FREM2: variants seen among roughly 807,000 people sequenced by gnomAD.
FREM2 encodes the protein FRAS1-related extracellular matrix protein 2.
FREM2 carries 119 observed loss-of-function variants against 219.9 expected under a neutral mutation model. That is an observed-to-expected ratio of 0.54 (90% confidence interval 0.47 to 0.63). FREM2 has a LOEUF of 0.63. FREM2 is among the 30% of genes least tolerant of loss of function. The pLI is 0.00. For missense variants in FREM2, 4,030 were observed against 3,993.6 expected, an observed-to-expected ratio of 1.01 and a Z score of -0.25; for synonymous variants, 1,562 against 1,522.8, an observed-to-expected ratio of 1.03 and a Z score of -0.60.
In FREM2 at chr13:38,690,323, A is replaced by G; in HGVS notation, c.2979A>G (p.Glu993=). Residue 993 remains glutamate (E), a synonymous_variant, in exon 1 of 24, where the codon GAA becomes GAG. Transcript: ENST00000280481. ...TGGAAGATCCACCTTTGTATGGGGAAATCTTGGTCAATGGCATTCCAGCAG... is the reference window on the plus strand; with the variant it reads ...TGGAAGATCCACCTTTGTATGGGGAGATCTTGGTCAATGGCATTCCAGCAG... The part of the protein sequence containing the change: ...FLLEDPPLYG[E]ILVNGIPAEQ... 1 of 1,614,194 alleles carries G rather than the reference A, an allele frequency of 6.2e-7. No individual in the cohort carries two copies. Among genetic ancestry groups the G allele is most frequent in the Non-Finnish European group, 8.5e-7 (1 of 1,180,014 alleles).
chr13:38,688,175 G>C lies in FREM2; in HGVS notation c.831G>C (p.Arg277Ser), dbSNP rs1241860409. The C allele has an allele frequency of 1.1e-5, 17 of 1,613,554 alleles. No individual in the cohort carries two copies. Among genetic ancestry groups the C allele is most frequent in the Non-Finnish European group, 1.3e-5 (15 of 1,179,870 alleles). Reference protein sequence around the residue: ...RHTAASRSPNRDWIPMVVELR... With the variant: ...RHTAASRSPNSDWIPMVVELR... The stretch of plus-strand genomic sequence containing the variant: ...CAGCCGCCAGTCGCTCACCAAACAG[G>C]GACTGGATACCCATGGTGGTGGAGC... The change falls in exon 1 of 24, where the codon AGG becomes AGC. Residue 277 changes from arginine (R) to serine (S), a missense_variant. By Grantham distance (110) the Arg-to-Ser change is moderately radical. Coordinates refer to ENST00000280481, the MANE Select transcript of FREM2 (RefSeq NM_207361.6).
Position 38,690,492 on chromosome 13 carries a change from A to C in FREM2, c.3148A>C (p.Ile1050Leu), listed in dbSNP as rs1474555236. 21 of 1,614,086 alleles carry C rather than the reference A, an allele frequency of 1.3e-5. No individual in the cohort carries two copies. The African/African-American group carries it at 2.3e-4, about 17-fold the overall frequency. Residue 1050 changes from isoleucine (I) to leucine (L), a missense_variant, in exon 1 of 24, where the codon ATC becomes CTC. This residue lies in a region of FREM2 where 3,102 missense variants were observed against 2,950.7 expected (regional missense o/e 1.05). Coordinates refer to ENST00000280481, the MANE Select transcript of FREM2 (RefSeq NM_207361.6). ...AGAATGGAGAATTGGTGGCAATACT[A>C]TCCAAGGAGTTACTATATGGGTGAC... The part of the protein sequence containing the change: ...SQEWRIGGNT[I>L]QGVTIWVTIL...
chr13:38,823,237 A>G (rs1158606260), intron 6 of FREM2, among the ~76,000 whole-genome samples: 2 of 151,968 alleles, frequency 1.3e-5, no homozygotes, highest in East Asian at 3.9e-4. Context: ...CACCTGATCC[A>G]AACGAACTTC....
intron 3 of FREM2, 91 bp downstream of exon 3, chr13:38,764,541 C>T: frequency 1.3e-6 from 1 of 780,592 alleles, no homozygotes; most frequent in Non-Finnish European, 2.0e-6. Flanking sequence ...GTTTAGTTCA[C>T]TTAGAGCTTA....
chr13:38,858,977 C>T (rs1313856831), intron 13 of FREM2, among the ~76,000 whole-genome samples: 4 of 124,738 alleles, frequency 3.2e-5, no homozygotes, highest in Non-Finnish European at 6.4e-5. Context: ...GTAAGATGAG[C>T]GACAGGAAGC....
chr13:38,878,206 A>T lies in FREM2; in HGVS notation c.8744A>T (p.Glu2915Val). ...GGTGACTCCTTTTACTGCAGCATTG[A>T]GAAGGTGTTTCTATGCACTGGAGCT... Reference protein sequence around the residue: ...NLGDSFYCSIEKVFLCTGADG... With the variant: ...NLGDSFYCSIVKVFLCTGADG... Residue 2915 changes from glutamate to valine, a missense_variant, in exon 22 of 24, where the codon GAG becomes GTG. Physicochemically the swap from Glu to Val is moderately radical, Grantham distance 121. Transcript: ENST00000280481. The T allele has an allele frequency of 6.2e-7, 1 of 1,613,742 alleles. No homozygotes were observed. Among genetic ancestry groups the T allele is most frequent in the Non-Finnish European group, 8.5e-7 (1 of 1,179,774 alleles).
intron 2 of FREM2, among the ~76,000 whole-genome samples, chr13:38,748,699 CA>C (rs754790615): frequency 7.0e-4 from 106 of 152,236 alleles, no homozygotes; most frequent in Non-Finnish European, 1.4e-3. Flanking sequence ...TAGCTTAATA[CA>C]GCTTATTTTT....
intron 6 of FREM2, among the ~76,000 whole-genome samples, chr13:38,791,525 C>G (rs1008366402): frequency 6.6e-6 from 1 of 152,136 alleles, no homozygotes; most frequent in Non-Finnish European, 1.5e-5. Context: ...GTTCCACATG[C>G]CCGGGAAGGC....
chr13:38,707,989 T>A (rs1265975809), intron 2 of FREM2, among the ~76,000 whole-genome samples: 1 of 152,216 alleles, frequency 6.6e-6, no homozygotes, highest in Non-Finnish European at 1.5e-5. Flanking sequence ...CCCTGGTTCC[T>A]GAATTTCTGT....
chr13:38,843,458 C>A (rs1230248868), intron 6 of FREM2, among the ~76,000 whole-genome samples: 1 of 149,436 alleles, frequency 6.7e-6, no homozygotes, highest in African/African-American at 2.5e-5. Flanking sequence ...AAAAAGTTTA[C>A]CAAAGAAAGA....
chr13:38,812,850 T>TC (rs1593422658), intron 6 of FREM2, among the ~76,000 whole-genome samples: 1 of 149,952 alleles, frequency 6.7e-6, no homozygotes, highest in East Asian at 2.0e-4. Flanking sequence ...ACCACTGCAC[T>TC]CCAGTCTGGG....
At chr13:38,821,097 T>G (rs1253485328) in intron 6 of FREM2, among the ~76,000 whole-genome samples, 1 of 152,170 alleles carries the variant, frequency 6.6e-6, no homozygotes, top group Non-Finnish European at 1.5e-5. Context: ...GGAGTCCTTA[T>G]GGTGTCCCTA....
At chr13:38,793,271 A>G (rs537502324) in intron 6 of FREM2, among the ~76,000 whole-genome samples, 2 of 152,342 alleles carry the variant, frequency 1.3e-5, no homozygotes, top group African/African-American at 2.4e-5. Context: ...CATAAAATAA[A>G]TGTGGTAAGT....
rs747271297 is a variant in FREM2, at chr13:38,848,541, C to T, written c.6250C>T (p.Leu2084=). 1.9e-6 allele frequency: 3 copies of T among 1,614,002 alleles called. No homozygotes were observed. Among genetic ancestry groups the T allele is most frequent in the Non-Finnish European group, 2.5e-6 (3 of 1,179,954 alleles). ...CATGCAGCCTGTTCGTGTTGTCATTCTGGATGACCTTGGACAACCAGCGCT... is the reference window on the plus strand; with the variant it reads ...CATGCAGCCTGTTCGTGTTGTCATTTTGGATGACCTTGGACAACCAGCGCT... ...VNMQPVRVVI[L]DDLGQPALEG... is the part of the protein sequence containing the mutation. Residue 2084 remains leucine (L), a synonymous_variant, in exon 8 of 24, where the codon CTG becomes TTG. Transcript: ENST00000280481.
intron 7 of FREM2, among the ~76,000 whole-genome samples, chr13:38,847,601 G>GA (rs906313958): frequency 1.3e-5 from 2 of 151,452 alleles, no homozygotes; most frequent in Admixed American, 6.6e-5. Context: ...CAGAGGAAAA[G>GA]AAAAAAATAT....
At chr13:38,824,440 G>A (rs931169274) in intron 6 of FREM2, among the ~76,000 whole-genome samples, 1 of 152,056 alleles carries the variant, frequency 6.6e-6, no homozygotes, top group African/African-American at 2.4e-5. Context: ...TGGCATTTTA[G>A]GAAAGAAAGA....
At chr13:38,719,346 G>A (rs905172683) in intron 2 of FREM2, among the ~76,000 whole-genome samples, 2 of 152,070 alleles carry the variant, frequency 1.3e-5, no homozygotes, top group South Asian at 2.1e-4. Context: ...TCACCCTCCC[G>A]AGTAGCTGAG....
intron 1 of FREM2, 140 bp downstream of exon 1, chr13:38,692,657 C>G: frequency 2.0e-6 from 2 of 991,134 alleles, no homozygotes; most frequent in East Asian, 2.4e-5. Context: ...TAGGGACTCA[C>G]TTTCCTAGGA....
At chr13:38,808,011 A>G (rs1206583714) in intron 6 of FREM2, among the ~76,000 whole-genome samples, 1 of 151,968 alleles carries the variant, frequency 6.6e-6, no homozygotes, top group East Asian at 2.0e-4. Flanking sequence ...AATGTTATTT[A>G]GTGTAGCCCT....
Sources: allele counts gnomAD v4.1 joint callset (sites outside exome capture counted in the v4.1 genomes callset), GRCh38; gene constraint gnomAD v4.1.1; regional missense constraint gnomAD v4.1.1; transcripts MANE v1.5; gene names NCBI Gene and HGNC (gene_info 2026-07-23, HGNC 2026-07-21).